The following PTPRD variants were observed in gnomAD, a reference collection of about 807,000 sequenced individuals.
PTPRD encodes the protein protein tyrosine phosphatase receptor type D, also known as receptor-type tyrosine-protein phosphatase delta.
Under a neutral mutation model 214.5 loss-of-function variants are expected in PTPRD, and 34 were observed. The observed-to-expected ratio is 0.16, with a 90% CI of 0.12 to 0.21. The LOEUF is 0.21. Ranked by LOEUF, PTPRD falls within the 10% of genes least tolerant of loss-of-function variation. The pLI is 1.00. For synonymous variants in PTPRD, 1,128 were observed against 845.7 expected, an observed-to-expected ratio of 1.33 and a Z score of -5.79; for missense variants, 2,545 against 2,398.7, an observed-to-expected ratio of 1.06 and a Z score of -1.27.
Position 10,219,005 on chromosome 9 carries a change from T to A in PTPRD, c.-545+121958A>T, listed in dbSNP as rs939274284. Reference sequence around the variant, plus strand: ...ACTGCATTTTGTTTACCCACTAACATTGAGCTAAAAACAAACCGAGGCACC... The same window carrying A: ...ACTGCATTTTGTTTACCCACTAACAATGAGCTAAAAACAAACCGAGGCACC... On this transcript the variant is annotated intron_variant, in intron 3 of 45. Transcript: ENST00000381196. Among the ~76,000 whole-genome samples, 6 of 151,744 alleles carry A rather than the reference T, an allele frequency of 4.0e-5. 1 individual carries two copies. The highest frequency in any genetic ancestry group is 1.5e-4 in the African/African-American group (6 of 41,378).
At chr9:9,959,225 G>C (rs1224458605) in intron 4 of PTPRD, among the ~76,000 whole-genome samples, 1 of 152,082 alleles carries the variant, frequency 6.6e-6, no homozygotes, top group Non-Finnish European at 1.5e-5. Flanking sequence ...ATGGCTAAGT[G>C]AAATAAACCA....
intron 39 of PTPRD, among the ~76,000 whole-genome samples, chr9:8,363,577 G>A (rs916116358): frequency 6.6e-6 from 1 of 152,186 alleles, no homozygotes; most frequent in Non-Finnish European, 1.5e-5. Context: ...AGTTTGGGTT[G>A]TACTTGGGGG....
Position 9,467,048 on chromosome 9 carries a change from A to G in PTPRD, c.-236-69566T>C, listed in dbSNP as rs541232899. On this transcript the variant is annotated intron_variant, in intron 8 of 45. Coordinates refer to ENST00000381196, the MANE Select transcript of PTPRD (RefSeq NM_002839.4). Reference sequence around the variant, plus strand: ...GATGAAATTTATTTTTTACATGATGATATCATAGAATTTTGGTAATGTATT... The same window carrying G: ...GATGAAATTTATTTTTTACATGATGGTATCATAGAATTTTGGTAATGTATT... Among the ~76,000 whole-genome samples the G allele has an allele frequency of 5.9e-5, 9 of 152,086 alleles. No individual in the cohort carries two copies. In the South Asian group the frequency reaches 8.3e-4, roughly 14 times the overall value.
chr9:8,643,720 C>A (rs749806002), intron 12 of PTPRD, among the ~76,000 whole-genome samples: 17 of 152,240 alleles, frequency 1.1e-4, no homozygotes, highest in Non-Finnish European at 2.1e-4. Flanking sequence ...CACTGAGACA[C>A]CAGCCCCTTG....
At chr9:8,949,922 T>G (rs1415006817) in intron 11 of PTPRD, among the ~76,000 whole-genome samples, 6 of 152,152 alleles carry the variant, frequency 3.9e-5, no homozygotes, top group Non-Finnish European at 8.8e-5. Flanking sequence ...GTTACTTTTA[T>G]TTGCCTATTC....
intron 8 of PTPRD, among the ~76,000 whole-genome samples, chr9:9,470,493 T>G (rs1277235943): frequency 6.6e-6 from 1 of 152,156 alleles, no homozygotes; most frequent in Non-Finnish European, 1.5e-5. Context: ...TTAATTAGAA[T>G]TGGAAAAATA....
In PTPRD at chr9:10,609,684, T is replaced by A. The variant is rs1320861959; in HGVS notation, c.-600+2714A>T. On this transcript the variant is annotated intron_variant, in intron 2 of 45. Transcript: ENST00000381196. ...ACAGGAAAGATATCATGGCATTCCA[T>A]AAAGAATAAAGCAAAAAAAGTTATG... 2.6e-5 allele frequency among the ~76,000 whole-genome samples: 4 copies of A among 152,232 alleles called. No homozygotes were observed. In the South Asian group the frequency reaches 8.3e-4, roughly 32 times the overall value.
intron 3 of PTPRD, among the ~76,000 whole-genome samples, chr9:10,328,464 G>A (rs1290323851): frequency 2.0e-5 from 3 of 151,612 alleles, no homozygotes; most frequent in African/African-American, 7.3e-5. Flanking sequence ...TTTTTAAAAT[G>A]TGCATTGCAC....
chr9:10,517,646 G>C (rs1589906064), intron 2 of PTPRD, among the ~76,000 whole-genome samples: 2 of 152,052 alleles, frequency 1.3e-5, no homozygotes, highest in East Asian at 1.9e-4. Flanking sequence ...AGTTATAGCT[G>C]TCTATATACA....
chr9:10,199,428 C>A (rs1178562233), intron 3 of PTPRD, among the ~76,000 whole-genome samples: 1 of 151,936 alleles, frequency 6.6e-6, no homozygotes, highest in Non-Finnish European at 1.5e-5. Flanking sequence ...TCACATGATA[C>A]CTGCCCACCT....
intron 11 of PTPRD, among the ~76,000 whole-genome samples, chr9:8,993,733 T>G (rs1474520893): frequency 6.6e-6 from 1 of 152,138 alleles, no homozygotes; most frequent in Non-Finnish European, 1.5e-5. Flanking sequence ...TTCATGCAAG[T>G]CCTGATGAAG....
chr9:10,574,978 G>A (rs944561355), intron 2 of PTPRD, among the ~76,000 whole-genome samples: 2 of 151,574 alleles, frequency 1.3e-5, no homozygotes, highest in East Asian at 3.9e-4. Context: ...AGTGCAATGT[G>A]GAGTAAAAAA....
chr9:9,023,876 TTTC>T (rs1396916230), intron 10 of PTPRD, among the ~76,000 whole-genome samples: 1 of 152,090 alleles, frequency 6.6e-6, no homozygotes, highest in Non-Finnish European at 1.5e-5. Context: ...TTTACTTTCT[TTTC>T]TTCTTTTCTC....
chr9:8,868,580 T>C (rs2098239988), intron 11 of PTPRD, among the ~76,000 whole-genome samples: 1 of 152,202 alleles, frequency 6.6e-6, no homozygotes, highest in South Asian at 2.1e-4. Flanking sequence ...TTTGTAGCTC[T>C]AGAGAGCACA....
chr9:9,323,782 G>A (rs1355591488), intron 9 of PTPRD, among the ~76,000 whole-genome samples: 1 of 152,068 alleles, frequency 6.6e-6, no homozygotes, highest in Non-Finnish European at 1.5e-5. Flanking sequence ...ATGTTGGTTT[G>A]CTGCACCCAT....
chr9:9,449,385 A>C (rs1056340682), intron 8 of PTPRD, among the ~76,000 whole-genome samples: 1 of 147,266 alleles, frequency 6.8e-6, no homozygotes, highest in Middle Eastern at 3.4e-3. Flanking sequence ...CAAACCCAAT[A>C]AATCAGTGAG....
chr9:10,493,675 T>G lies in PTPRD; in HGVS notation c.-600+118723A>C, dbSNP rs186352316. 1.9e-3 allele frequency among the ~76,000 whole-genome samples: 295 copies of G among 152,140 alleles called. 5 individuals are homozygous for G. Among genetic ancestry groups the G allele is most frequent in the Admixed American group, 0.016 (244 of 15,262 alleles). On this transcript the variant is annotated intron_variant, in intron 2 of 45. Transcript: ENST00000381196. Reference sequence around the variant, plus strand: ...AATACCACATAACATCAAACACTCCTATTCTTATATTTTCATTTTCTAAAG... The same window carrying G: ...AATACCACATAACATCAAACACTCCGATTCTTATATTTTCATTTTCTAAAG...
chr9:8,630,474 T>G (rs2096217425), intron 14 of PTPRD, among the ~76,000 whole-genome samples: 1 of 151,792 alleles, frequency 6.6e-6, no homozygotes, highest in Non-Finnish European at 1.5e-5. Context: ...CAAAAATAAT[T>G]TCCATCCATA....
rs144960778 is a variant in PTPRD at position 8,846,796 on chromosome 9, G to A, written c.-103-112850C>T. On this transcript the variant is annotated intron_variant, in intron 11 of 45. Transcript: ENST00000381196. ...CAAGGTGGCAAGAGACAAAGCAGAG[G>A]AAAGGACATCAAAGGCCAGGTGCCT... 3.4e-3 allele frequency among the ~76,000 whole-genome samples: 524 copies of A among 152,310 alleles called. 3 individuals are homozygous for A. The highest frequency in any genetic ancestry group is 8.1e-3 in the South Asian group (39 of 4,830).
Sources: gnomAD v4.1 joint callset for allele counts (sites outside exome capture counted in the v4.1 genomes callset) on GRCh38, gnomAD v4.1.1 for gene constraint, MANE v1.5 for transcripts, NCBI Gene and HGNC (gene_info 2026-07-23, HGNC 2026-07-21) for gene names.